SLC4A5: variants seen among roughly 807,000 people sequenced by gnomAD.
SLC4A5 encodes solute carrier family 4 member 5.
In SLC4A5, 96 loss-of-function variants were observed where a neutral mutation model predicts 120.4. The ratio of observed to expected loss-of-function variants is 0.80; its 90% CI spans 0.68 to 0.94. The LOEUF (loss-of-function observed/expected upper bound fraction) is 0.94. Ranked by LOEUF, SLC4A5 falls within the 40% of genes least tolerant of loss-of-function variation. The pLI is 0.00. For missense variants in SLC4A5, 1,259 were observed against 1,459.5 expected, an observed-to-expected ratio of 0.86 and a Z score of 2.24; for synonymous variants, 550 against 571.1, an observed-to-expected ratio of 0.96 and a Z score of 0.53.
At chr2:74,306,624 T>C (rs1014373675) in intron 6 of SLC4A5, 2 of 414,426 alleles carry the variant, frequency 4.8e-6, no homozygotes, top group Admixed American at 3.5e-5. Context: ...GCTTCCTCCA[T>C]GTGTTTTCAA....
At chr2:74,307,995 G>C (rs1214102971) in intron 6 of SLC4A5, 2 of 553,278 alleles carry the variant, frequency 3.6e-6, no homozygotes, top group Non-Finnish European at 7.1e-6. Flanking sequence ...GGTGGAACGA[G>C]TGGTGAAGCT....
At chr2:74,233,157 G>C (rs1573008940) in intron 23 of SLC4A5, among the ~76,000 whole-genome samples, 1 of 152,320 alleles carries the variant, frequency 6.6e-6, no homozygotes, top group East Asian at 1.9e-4. Flanking sequence ...GGGAAAGACA[G>C]AGAGCCTGTG....
intron 4 of SLC4A5, 106 bp from the exon 5 acceptor site, chr2:74,328,292 G>T: frequency 1.7e-6 from 1 of 596,198 alleles, no homozygotes; most frequent in Non-Finnish European, 2.1e-6. Context: ...TGTGACCAAG[G>T]TGGGGGGAGG....
rs1670077048 is a variant in SLC4A5 at position 74,231,450 on chromosome 2, C to T, written c.2775-142G>A. 1.0e-5 allele frequency: 7 copies of T among 687,068 alleles called. No individual in the cohort carries two copies. The South Asian group carries it at 1.9e-4, about 18-fold the overall frequency. The allele number at this position is 687,068 out of a possible 1,614,324, so 42.6% of individuals were successfully genotyped here. ...TTCTGCATGAAGCTCTGCCTGGTTG[C>T]CTGAGGCCCAGCTGAACCATATGTG... is the stretch of plus-strand genomic sequence containing the variant. On this transcript the variant is annotated intron_variant, in intron 24 of 30. Coordinates refer to ENST00000394019, the Ensembl canonical transcript of SLC4A5.
intron 7 of SLC4A5, chr2:74,290,598 G>C: frequency 6.2e-6 from 6 of 975,284 alleles, no homozygotes; most frequent in Non-Finnish European, 7.3e-6. Context: ...GAGAGAGAGA[G>C]AGACAGAGAG....
In SLC4A5 at chr2:74,261,625, T is replaced by C. The variant is rs146883969; in HGVS notation, c.811+512A>G. Among the ~76,000 whole-genome samples, 12 of 152,294 alleles carry C rather than the reference T, an allele frequency of 7.9e-5. No individual in the cohort carries two copies. In the East Asian group the frequency reaches 2.1e-3, roughly 27 times the overall value. ...ACGAGGTGCATGTAAAACCTGTCTG[T>C]CACCTCTCACCTCAAACCCACACCC... On this transcript the variant is annotated intron_variant, in intron 11 of 30. Coordinates refer to ENST00000394019, the Ensembl canonical transcript of SLC4A5.
intron 30 of SLC4A5, among the ~76,000 whole-genome samples, chr2:74,220,867 G>T (rs1694618628): frequency 7.5e-6 from 1 of 132,858 alleles, no homozygotes; most frequent in Non-Finnish European, 1.6e-5. Context: ...TTGAGATGGA[G>T]TCTCACTCTG....
At chr2:74,260,783 G>A (rs909851892) in intron 11 of SLC4A5, among the ~76,000 whole-genome samples, 3 of 152,082 alleles carry the variant, frequency 2.0e-5, no homozygotes, top group African/African-American at 7.2e-5. Flanking sequence ...ACAGAAATCC[G>A]ATCACAGCAT....
chr2:74,290,284 C>G, intron 7 of SLC4A5: 1 of 985,542 alleles, frequency 1.0e-6, no homozygotes, highest in Non-Finnish European at 1.2e-6. Flanking sequence ...CCCTGGCTGT[C>G]GATGCTGCCT....
chr2:74,223,238 T>C (rs1694719832), intron 28 of SLC4A5, among the ~76,000 whole-genome samples: 2 of 151,850 alleles, frequency 1.3e-5, no homozygotes, highest in African/African-American at 4.8e-5. Context: ...ACTCCTGACC[T>C]TGTGATCCCC....
chr2:74,308,101 T>C (rs985986558), intron 6 of SLC4A5: 7 of 414,086 alleles, frequency 1.7e-5, no homozygotes, highest in African/African-American at 1.5e-4. Flanking sequence ...CCGATCAATG[T>C]ACTGTAGTTT....
At chr2:74,262,320 AC>A in intron 10 of SLC4A5, 88 bp from the exon 11 acceptor site, 1 of 941,898 alleles carries the variant, frequency 1.1e-6, no homozygotes. Flanking sequence ...ACTAAATAAA[AC>A]TGGGTGGCAA....
chr2:74,286,873 C>T (rs764443938), intron 7 of SLC4A5, among the ~76,000 whole-genome samples: 5 of 152,106 alleles, frequency 3.3e-5, no homozygotes, highest in African/African-American at 1.2e-4. Context: ...TGGAAACGTG[C>T]TGGTGAGTGT....
At chr2:74,275,092 C>A (rs535737021) in intron 8 of SLC4A5, among the ~76,000 whole-genome samples, 2 of 152,122 alleles carry the variant, frequency 1.3e-5, no homozygotes, top group Non-Finnish European at 2.9e-5. Context: ...CCGCTGAGGG[C>A]CTTTGGTGAT....
chr2:74,262,056 C>T (rs532286401), intron 11 of SLC4A5, 81 bp downstream of exon 11: 37 of 1,311,150 alleles, frequency 2.8e-5, no homozygotes, highest in Non-Finnish European at 3.6e-5. Context: ...GCTTTGTCTC[C>T]CCCACCTATG....
intron 11 of SLC4A5, among the ~76,000 whole-genome samples, chr2:74,260,520 C>A (rs1162323306): frequency 2.0e-5 from 3 of 152,180 alleles, no homozygotes; most frequent in Non-Finnish European, 4.4e-5. Flanking sequence ...GCAGTCCCCT[C>A]TGGCACCTCA....
chr2:74,218,892 G>C (rs1572995146), intron 30 of SLC4A5, 100 bp from the exon 31 acceptor site: 2 of 152,580 alleles, frequency 1.3e-5, no homozygotes, highest in African/African-American at 4.8e-5. Context: ...CTTTGCTTCT[G>C]AACTCTCAGC....
At chr2:74,324,943 G>C (rs1673185163) in intron 5 of SLC4A5, among the ~76,000 whole-genome samples, 1 of 152,154 alleles carries the variant, frequency 6.6e-6, no homozygotes, top group African/African-American at 2.4e-5. Flanking sequence ...TTACTATTTT[G>C]CCTGTCACAT....
intron 7 of SLC4A5, among the ~76,000 whole-genome samples, chr2:74,303,203 C>A (rs1274766797): frequency 1.3e-5 from 2 of 152,042 alleles, no homozygotes; most frequent in East Asian, 3.9e-4. Context: ...TACCCCATCT[C>A]CTACAAAGGC....
Sources: allele counts gnomAD v4.1 joint callset (sites outside exome capture counted in the v4.1 genomes callset), GRCh38; gene constraint gnomAD v4.1.1; transcripts MANE v1.5; gene names NCBI Gene and HGNC (gene_info 2026-07-23, HGNC 2026-07-21).